SPANXN3: variants seen among roughly 807,000 people sequenced by gnomAD.
SPANXN3 encodes the protein sperm protein associated with the nucleus on the X chromosome N3.
SPANXN3 carries 1 observed loss-of-function variant against 1.9 expected under a neutral mutation model. The ratio of observed to expected loss-of-function variants is 0.54; its 90% CI spans 0.19 to 2.54. SPANXN3 has a LOEUF of 2.54. Ranked by LOEUF, SPANXN3 falls within the 30% of genes most tolerant of loss-of-function variation. SPANXN3 has a pLI of 0.24. For synonymous variants in SPANXN3, 47 were observed against 40.0 expected (o/e 1.17, Z -0.66); for missense variants, 113 against 96.2 (o/e 1.17, Z -0.73).
intron 1 of SPANXN3, among the ~76,000 whole-genome samples, chrX:143,511,689 T>A (rs1440064977): frequency 8.9e-6 from 1 of 111,746 alleles, no homozygotes; most frequent in Non-Finnish European, 1.9e-5. Context: ...TCCAGGAGCC[T>A]GTTATAAGTG....
Position 143,508,920 on chromosome X carries a change from T to A in SPANXN3, c.321A>T (p.Gly107=), listed in dbSNP as rs782642807. The change falls in exon 2 of 2, where the codon GGA becomes GGT. Residue 107 remains glycine, a synonymous_variant. Coordinates refer to ENST00000370503, the MANE Select transcript of SPANXN3 (RefSeq NM_001009609.4). ...NEDEDLGPCE[G]PSKEDKDLDS... Reference sequence around the variant, plus strand: ...CTAGATCTTTGTCCTCCTTTGAAGGTCCTTCACATGGGCCTAGGTCTTCAT... The same window carrying A: ...CTAGATCTTTGTCCTCCTTTGAAGGACCTTCACATGGGCCTAGGTCTTCAT... The A allele has an allele frequency of 8.3e-7, 1 of 1,211,359 alleles. No individual in the cohort carries two copies. The highest frequency in any genetic ancestry group is 2.2e-5 in the Admixed American group (1 of 46,041).
chrX:143,509,186 C>A (rs782280110), intron 1 of SPANXN3, 24 bp from the exon 2 acceptor site: 5 of 1,152,279 alleles, frequency 4.3e-6, no homozygotes, highest in South Asian at 1.9e-5. Context: ...AGGGAGAGGC[C>A]AGAAAGACAT....
rs782082938 is a variant in SPANXN3 at position 143,508,994 on chromosome X, T to G, written c.247A>C (p.Lys83Gln). 5.8e-6 allele frequency: 7 copies of G among 1,210,396 alleles called. No individual in the cohort carries two copies. The highest frequency in any genetic ancestry group is 7.8e-6 in the Non-Finnish European group (7 of 895,310). ...SQENSINPIQ[K>Q]EEDEGVDLSE... ...AAGTCTACGCCTTCGTCCTCCTCCT[T>G]TTGGATTGGATTGATGGAGTTCTCT... is the stretch of plus-strand genomic sequence containing the variant. Residue 83 changes from lysine (K) to glutamine (Q), a missense_variant, in exon 2 of 2, where the codon AAG becomes CAG. Coordinates refer to ENST00000370503, the MANE Select transcript of SPANXN3 (RefSeq NM_001009609.4).
At chrX:143,509,645 GA>G in intron 1 of SPANXN3, 1 of 122,038 alleles carries the variant, frequency 8.2e-6, no homozygotes. Context: ...TATTCCACTG[GA>G]AAAAGGGCCA....
intron 1 of SPANXN3, among the ~76,000 whole-genome samples, chrX:143,514,335 C>T (rs1929167150): frequency 8.9e-6 from 1 of 112,632 alleles, no homozygotes; most frequent in Non-Finnish European, 1.9e-5. Context: ...ACCTTCTGTA[C>T]TTTCATATGT....
At chrX:143,514,190 C>T (rs1929163773) in intron 1 of SPANXN3, among the ~76,000 whole-genome samples, 1 of 112,008 alleles carries the variant, frequency 8.9e-6, no homozygotes, top group South Asian at 3.8e-4. Context: ...GCAGGCAGCC[C>T]TTAAAACCCC....
intron 1 of SPANXN3, chrX:143,509,489 A>G: frequency 8.4e-6 from 2 of 237,339 alleles, no homozygotes; most frequent in Middle Eastern, 1.4e-3. Context: ...AGGCTCAACT[A>G]AAGAAACATC....
In SPANXN3 at chrX:143,513,728, T is replaced by C. The variant is rs781813683; in HGVS notation, c.78+3586A>G. ...GGACCTCTTAGACTCCCTCTCCTCC[T>C]CCTTCCAACACATTTCACATGCCCC... On this transcript the variant is annotated intron_variant, in intron 1 of 1. Transcript: ENST00000370503. Among the ~76,000 whole-genome samples, 8 of 111,973 alleles carry C rather than the reference T, an allele frequency of 7.1e-5. No homozygotes were observed. In the East Asian group the frequency reaches 2.0e-3, roughly 28 times the overall value.
chrX:143,513,348 A>G (rs1452226489), intron 1 of SPANXN3, among the ~76,000 whole-genome samples: 1 of 112,287 alleles, frequency 8.9e-6, no homozygotes, highest in Non-Finnish European at 1.9e-5. Flanking sequence ...CTACTCTGCC[A>G]AACATACGGC....
chrX:143,514,889 C>T (rs1265294857), intron 1 of SPANXN3, among the ~76,000 whole-genome samples: 9 of 111,618 alleles, frequency 8.1e-5, no homozygotes, highest in Non-Finnish European at 1.9e-5. Context: ...GACTTCACTT[C>T]TCCCATTGTT....
chrX:143,510,370 GC>G (rs1223125727), intron 1 of SPANXN3, among the ~76,000 whole-genome samples: 1 of 110,713 alleles, frequency 9.0e-6, no homozygotes, highest in Non-Finnish European at 1.9e-5. Flanking sequence ...AGCATGAATA[GC>G]TATGGGGCTG....
At position 143,508,878 on chromosome X, in the gene SPANXN3, G is replaced by A. The variant is rs782164112; in HGVS notation, c.363C>T (p.Ser121=). The A allele has an allele frequency of 2.1e-5, 25 of 1,209,880 alleles. No homozygotes were observed. The African/African-American group carries it at 4.2e-4, about 20-fold the overall frequency. Residue 121 remains serine (S), a synonymous_variant, in exon 2 of 2, where the codon TCC becomes TCT. Coordinates refer to ENST00000370503, the MANE Select transcript of SPANXN3 (RefSeq NM_001009609.4). Reference sequence around the variant, plus strand: ...AGCCTAGGTCTTCATCCTCCTGTGAGGATCCTTCAGATGAGTCTAGATCTT... The same window carrying A: ...AGCCTAGGTCTTCATCCTCCTGTGAAGATCCTTCAGATGAGTCTAGATCTT... ...EDKDLDSSEG[S]SQEDEDLGLS...
chrX:143,511,578 C>G (rs1463584582), intron 1 of SPANXN3, among the ~76,000 whole-genome samples: 1 of 111,225 alleles, frequency 9.0e-6, no homozygotes, highest in Non-Finnish European at 1.9e-5. Flanking sequence ...ACTAAAAAAC[C>G]CAAACCTAAA....
At chrX:143,516,194 C>G (rs1929212150) in intron 1 of SPANXN3, among the ~76,000 whole-genome samples, 1 of 112,468 alleles carries the variant, frequency 8.9e-6, no homozygotes, top group Admixed American at 9.4e-5. Flanking sequence ...GCTACCCTTG[C>G]TGGCAGCTAT....
Position 143,517,257 on chromosome X carries a change from C to G in SPANXN3, c.78+57G>C, listed in dbSNP as rs1929240905. 3 of 1,170,053 alleles carry G rather than the reference C, an allele frequency of 2.6e-6. No individual in the cohort carries two copies. In the Admixed American group the frequency reaches 6.6e-5, roughly 26 times the overall value. On this transcript the variant is annotated intron_variant, in intron 1 of 1. Transcript: ENST00000370503. Reference sequence around the variant, plus strand: ...TCCTGTGTTGCTGTTTGAGCCACCCCCTCTCTGTGTGTCTTTCTTTCACCC... The same window carrying G: ...TCCTGTGTTGCTGTTTGAGCCACCCGCTCTCTGTGTGTCTTTCTTTCACCC...
Position 143,517,353 on chromosome X carries a change from C to T in SPANXN3, c.39G>A (p.Thr13=), listed in dbSNP as rs148202641. 23 of 1,209,538 alleles carry T rather than the reference C, an allele frequency of 1.9e-5. No homozygotes were observed. In the South Asian group the frequency reaches 1.9e-4, roughly 10 times the overall value. Residue 13 remains threonine, a synonymous_variant, in exon 1 of 2, where the codon ACG becomes ACA. Transcript: ENST00000370503. ...TGTTATTGGATTCACAGGGGCTCTT[C>T]GTCTTCTCCCCATTGGTGCTGGAAG... The part of the protein sequence containing the change: ...QPTSSTNGEK[T]KSPCESNNKK...
intron 1 of SPANXN3, among the ~76,000 whole-genome samples, chrX:143,512,900 G>T (rs1213656270): frequency 9.0e-6 from 1 of 110,963 alleles, no homozygotes; most frequent in African/African-American, 3.3e-5. Context: ...CACCACTTAG[G>T]TTTTAAACTT....
intron 1 of SPANXN3, among the ~76,000 whole-genome samples, chrX:143,513,912 G>C (rs149592735): frequency 0.022 from 2,502 of 112,088 alleles, 28 homozygotes; most frequent in African/African-American, 0.031. Context: ...GCCCTAACCA[G>C]GGCCCTCACC....
At chrX:143,517,104 T>C (rs1929236355) in intron 1 of SPANXN3, among the ~76,000 whole-genome samples, 1 of 110,636 alleles carries the variant, frequency 9.0e-6, no homozygotes. Context: ...ATCTTATCAA[T>C]ATCCTGCCGG....
Sources: allele counts gnomAD v4.1 joint callset (sites outside exome capture counted in the v4.1 genomes callset), GRCh38; gene constraint gnomAD v4.1.1; transcripts MANE v1.5; gene names NCBI Gene and HGNC (gene_info 2026-07-23, HGNC 2026-07-21).